Variants in FER observed in about 807,000 individuals in gnomAD.
The protein encoded by FER is FER tyrosine kinase.
Under a neutral mutation model 111.0 loss-of-function variants are expected in FER, and 63 were observed. That is an observed-to-expected ratio of 0.57 (90% CI 0.46 to 0.70). The LOEUF is 0.70. Among genes scored for constraint, FER ranks in the 30% least tolerant of loss-of-function variants. The pLI is 0.00. For missense variants in FER, 914 were observed against 954.0 expected (o/e 0.96, Z 0.55); for synonymous variants, 327 against 313.9 (o/e 1.04, Z -0.44).
chr5:109,068,554 T>C (rs1775399026), intron 16 of FER, among the ~76,000 whole-genome samples: 1 of 152,208 alleles, frequency 6.6e-6, no homozygotes, highest in African/African-American at 2.4e-5. Flanking sequence ...GTAATTCTTA[T>C]TTAGATGCTG....
At chr5:109,119,180 A>G (rs926893009) in intron 17 of FER, among the ~76,000 whole-genome samples, 3 of 152,028 alleles carry the variant, frequency 2.0e-5, no homozygotes, top group African/African-American at 4.8e-5. Context: ...ACTGCTTTGA[A>G]TGTGTCTCAG....
At position 109,146,224 on chromosome 5, in the gene FER, TATCTATCTAATATATATATA is replaced by T. The variant is rs1754110104; in HGVS notation, c.2049-34502_2049-34483del. On this transcript the variant is annotated intron_variant, in intron 17 of 19. Coordinates refer to ENST00000281092, the MANE Select transcript of FER (RefSeq NM_005246.4). ...ATCTATCTATTTTATATATATATAT[TATCTATCTAATATATATATA>T]ATCTATCTAATATATATATATATAT... is the stretch of plus-strand genomic sequence containing the variant. Among the ~76,000 whole-genome samples the T allele has an allele frequency of 9.5e-5, 11 of 116,394 alleles. 3 individuals carry two copies. The highest frequency in any genetic ancestry group is 2.0e-4 in the Non-Finnish European group (11 of 55,584). The allele number at this position is 116,394 out of a possible 152,430, so 76.4% of individuals were successfully genotyped here. A position where few individuals can be genotyped will look rare whatever the true frequency, so the allele number is the denominator to read the frequency against.
intron 1 of FER, among the ~76,000 whole-genome samples, chr5:108,766,698 A>G (rs546544425): frequency 6.6e-6 from 1 of 152,362 alleles, no homozygotes; most frequent in East Asian, 1.9e-4. Context: ...CTTGTTGGTA[A>G]CATTTATGGA....
intron 5 of FER, among the ~76,000 whole-genome samples, chr5:108,854,946 CAAA>C (rs34850507): frequency 0.018 from 662 of 36,602 alleles, 2 homozygotes; most frequent in African/African-American, 0.059. Context: ...GACCCTGTCT[CAAA>C]AAAAAAAAAA....
intron 16 of FER, among the ~76,000 whole-genome samples, chr5:109,094,561 AT>A (rs576306928): frequency 6.6e-6 from 1 of 151,980 alleles, no homozygotes; most frequent in Non-Finnish European, 1.5e-5. Context: ...TGGTTGACAA[AT>A]TTTTTTTATA....
chr5:109,129,058 A>G (rs1171051626), intron 17 of FER, among the ~76,000 whole-genome samples: 1 of 152,110 alleles, frequency 6.6e-6, no homozygotes, highest in Non-Finnish European at 1.5e-5. Context: ...GATTTAGAAT[A>G]CAGTAAAAAT....
intron 17 of FER, among the ~76,000 whole-genome samples, chr5:109,171,796 T>C (rs186847570): frequency 2.5e-4 from 38 of 152,280 alleles, no homozygotes; most frequent in African/African-American, 9.1e-4. Context: ...GTGCATTTTA[T>C]TGTAGCCTCA....
chr5:108,904,228 CAAA>C (rs1434620410), intron 10 of FER, among the ~76,000 whole-genome samples: 4 of 151,926 alleles, frequency 2.6e-5, no homozygotes, highest in Non-Finnish European at 5.9e-5. Context: ...AATAAACAAA[CAAA>C]TAAATACATA....
intron 13 of FER, among the ~76,000 whole-genome samples, chr5:109,007,486 C>G (rs938012763): frequency 6.6e-6 from 1 of 152,180 alleles, no homozygotes; most frequent in Non-Finnish European, 1.5e-5. Context: ...GCTACTTACC[C>G]TTTGGAAAGT....
intron 13 of FER, among the ~76,000 whole-genome samples, chr5:109,035,354 T>C (rs79109790): frequency 0.056 from 8,477 of 152,232 alleles, 329 homozygotes; most frequent in Non-Finnish European, 0.083. Context: ...GCATTATAGA[T>C]TGTCCTTCTC....
rs530510469 is a variant in FER, at chr5:109,040,645, C to A, written c.1713+3167C>A. On this transcript the variant is annotated intron_variant, in intron 14 of 19. Transcript: ENST00000281092. ...AATTAGCGATAGCAAAGATGTAATT[C>A]TTTGAAGTTTTGCTGCAAAAGAAAT... is the stretch of plus-strand genomic sequence containing the variant. Among the ~76,000 whole-genome samples the A allele has an allele frequency of 3.5e-4, 53 of 152,112 alleles. 1 individual carries two copies. Among genetic ancestry groups the A allele is most frequent in the Non-Finnish European group, 6.3e-4 (43 of 68,014 alleles).
At chr5:108,888,291 G>C (rs1252305478) in intron 9 of FER, among the ~76,000 whole-genome samples, 3 of 151,914 alleles carry the variant, frequency 2.0e-5, no homozygotes, top group Admixed American at 2.0e-4. Context: ...GCATCTACCA[G>C]ATGCTGTGAT....
intron 13 of FER, among the ~76,000 whole-genome samples, chr5:109,015,191 G>A (rs765398681): frequency 6.6e-6 from 1 of 151,986 alleles, no homozygotes; most frequent in African/African-American, 2.4e-5. Flanking sequence ...TTTTATTAAA[G>A]CAACATGTGC....
chr5:109,015,400 C>CT (rs973175251), intron 13 of FER, among the ~76,000 whole-genome samples: 15 of 149,224 alleles, frequency 1.0e-4, no homozygotes, highest in South Asian at 2.1e-4. Context: ...AAACGTGTGA[C>CT]TTTTTTTTTT....
intron 3 of FER, among the ~76,000 whole-genome samples, chr5:108,810,286 A>G (rs1757619500): frequency 6.6e-6 from 1 of 152,160 alleles, no homozygotes; most frequent in Admixed American, 6.5e-5. Flanking sequence ...TGTGGCTAAC[A>G]CAGCTGGGTG....
chr5:109,116,583 A>C (rs565577698), intron 17 of FER, among the ~76,000 whole-genome samples: 1 of 152,170 alleles, frequency 6.6e-6, no homozygotes, highest in African/African-American at 2.4e-5. Context: ...CCAAATCTGC[A>C]TCAAGTTATT....
intron 18 of FER, among the ~76,000 whole-genome samples, chr5:109,182,362 T>G (rs1039170998): frequency 2.0e-5 from 3 of 152,196 alleles, no homozygotes; most frequent in Admixed American, 6.5e-5. Flanking sequence ...TTCTTTCTTA[T>G]GAGCTTTCTA....
chr5:108,939,190 T>C (rs966652556), intron 10 of FER, among the ~76,000 whole-genome samples: 2 of 125,562 alleles, frequency 1.6e-5, no homozygotes, highest in Admixed American at 7.4e-5. Context: ...TCACAACATA[T>C]GTGTTTAGTT....
intron 3 of FER, among the ~76,000 whole-genome samples, chr5:108,818,764 A>T (rs1477899776): frequency 3.9e-5 from 6 of 152,158 alleles, no homozygotes; most frequent in Non-Finnish European, 7.4e-5. Context: ...TTACAGTGAG[A>T]GGCCTCTTTC....
Sources: gnomAD v4.1 joint callset for allele counts (sites outside exome capture counted in the v4.1 genomes callset) on GRCh38, gnomAD v4.1.1 for gene constraint, MANE v1.5 for transcripts, NCBI Gene and HGNC (gene_info 2026-07-23, HGNC 2026-07-21) for gene names.